DNAH3: variants seen among roughly 807,000 people sequenced by gnomAD.
DNAH3 encodes the protein dynein axonemal heavy chain 3.
DNAH3 carries 332 observed loss-of-function variants against 432.5 expected under a neutral mutation model. The ratio of observed to expected loss-of-function variants is 0.77; its 90% CI spans 0.70 to 0.84. The LOEUF is 0.84. DNAH3 is among the 40% of genes least tolerant of loss of function. The pLI, the probability that DNAH3 is intolerant of heterozygous loss-of-function variation, is 0.00. For synonymous variants in DNAH3, 1,956 were observed against 1,900.2 expected (o/e 1.03, Z -0.76); for missense variants, 4,861 against 5,114.0 (o/e 0.95, Z 1.51).
intron 19 of DNAH3, among the ~76,000 whole-genome samples, chr16:21,084,581 C>CA (rs1346594522): frequency 1.3e-5 from 2 of 152,126 alleles, no homozygotes; most frequent in South Asian, 2.1e-4. Context: ...CTCGGCCTCT[C>CA]AAAGTCCTGG....
At chr16:21,154,377 C>G (rs1282786744) in intron 1 of DNAH3, among the ~76,000 whole-genome samples, 1 of 151,650 alleles carries the variant, frequency 6.6e-6, no homozygotes, top group Non-Finnish European at 1.5e-5. Flanking sequence ...TGCACTCCAG[C>G]CTGTGTGACA....
exon 43 of DNAH3, chr16:21,000,388 T>C (rs775607128): frequency 6.2e-6 from 10 of 1,613,900 alleles, no homozygotes; most frequent in East Asian, 2.2e-5. Context: ...GAGAAGGAAG[T>C]TGTTGGTGAT....
chr16:21,008,301 G>T (rs1014986194), intron 41 of DNAH3, among the ~76,000 whole-genome samples: 1 of 151,998 alleles, frequency 6.6e-6, no homozygotes, highest in Non-Finnish European at 1.5e-5. Flanking sequence ...ATTATCTGGG[G>T]CCAGTTTATC....
chr16:21,142,105 G>A (rs6497536), intron 3 of DNAH3, among the ~76,000 whole-genome samples: 68,136 of 151,348 alleles, frequency 0.45, 15,564 homozygotes, highest in East Asian at 0.68. Flanking sequence ...GGTGGCTCAT[G>A]CCTGTAATCC....
rs746685595 is a variant in DNAH3, at chr16:21,051,634, C to T, written c.4238+36G>A. The T allele has an allele frequency of 8.7e-6, 14 of 1,604,004 alleles. 1 individual carries two copies. The highest frequency in any genetic ancestry group is 2.2e-5 in the East Asian group (1 of 44,770). On this transcript the variant is annotated intron_variant, in intron 29 of 61. Coordinates refer to ENST00000261383, the Ensembl canonical transcript of DNAH3. ...AGAGTCTTCTTCCCCTGGAGTTCTCCGTTCACCCCTCAGATCTAGGAGCTC... is the reference window on the plus strand; with the variant it reads ...AGAGTCTTCTTCCCCTGGAGTTCTCTGTTCACCCCTCAGATCTAGGAGCTC...
At chr16:20,946,938 C>T (rs1247641903) in intron 57 of DNAH3, among the ~76,000 whole-genome samples, 1 of 150,890 alleles carries the variant, frequency 6.6e-6, no homozygotes, top group Non-Finnish European at 1.5e-5. Flanking sequence ...GATCTTCCCA[C>T]CTCCGCCTCC....
chr16:21,159,296 G>C (rs746604596), intron 1 of DNAH3: 1 of 1,583,564 alleles, frequency 6.3e-7, no homozygotes, highest in South Asian at 1.1e-5. Flanking sequence ...CAGTCTCTGT[G>C]CCTTCTGGGA....
chr16:21,081,543 AC>A (rs767992611), intron 20 of DNAH3, 92 bp downstream of exon 20: 93 of 1,036,030 alleles, frequency 9.0e-5, no homozygotes, highest in Middle Eastern at 4.4e-4. Flanking sequence ...GGAAAAAAAA[AC>A]AAACAGCCCG....
chr16:20,976,761 C>T (rs1411180522), intron 50 of DNAH3, among the ~76,000 whole-genome samples: 10 of 152,152 alleles, frequency 6.6e-5, no homozygotes, highest in Non-Finnish European at 1.0e-4. Context: ...GAGGAAGCCA[C>T]GTGAGATCTG....
At chr16:21,064,330 C>G (rs1229971449) in intron 24 of DNAH3, among the ~76,000 whole-genome samples, 1 of 152,216 alleles carries the variant, frequency 6.6e-6, no homozygotes, top group Non-Finnish European at 1.5e-5. Flanking sequence ...ATTAAGGATG[C>G]TGACTGATGG....
In DNAH3 at chr16:21,125,285, G is replaced by A. The variant is rs369700639; in HGVS notation, c.1294C>T (p.Arg432Ter). The A allele has an allele frequency of 9.9e-6, 16 of 1,613,464 alleles. No homozygotes were observed. Among genetic ancestry groups the A allele is most frequent in the Admixed American group, 3.3e-5 (2 of 59,914 alleles). ...GAAGCAAAATATTCCTCAATGTTTCGACTTGAGTCATAGTTGCTCTTGGGA... is the reference window on the plus strand; with the variant it reads ...GAAGCAAAATATTCCTCAATGTTTCAACTTGAGTCATAGTTGCTCTTGGGA... The change falls in exon 9 of 62, where the codon CGA (arginine) becomes TGA (stop). Residue 432 changes from arginine to a stop codon, truncating the protein, a stop_gained. Transcript: ENST00000261383. LOFTEE classifies it high-confidence loss of function.
chr16:21,039,757 C>T (rs932878555), intron 33 of DNAH3, 95 bp downstream of exon 33: 1 of 947,066 alleles, frequency 1.1e-6, no homozygotes, highest in Non-Finnish European at 1.7e-6. Context: ...AAGCTTCTCT[C>T]TCTTCTTCCA....
chr16:21,123,835 G>T (rs180752797), intron 9 of DNAH3, among the ~76,000 whole-genome samples: 1 of 151,938 alleles, frequency 6.6e-6, no homozygotes, highest in Admixed American at 6.6e-5. Context: ...TGTCACCCAG[G>T]CTGGAGCCAG....
intron 26 of DNAH3, among the ~76,000 whole-genome samples, chr16:21,059,234 C>G (rs927769506): frequency 1.5e-4 from 23 of 152,236 alleles, no homozygotes; most frequent in African/African-American, 5.5e-4. Context: ...CTATCTGGCT[C>G]TTTACAGAAA....
chr16:21,100,060 T>C (rs974946418), intron 16 of DNAH3, among the ~76,000 whole-genome samples: 5 of 152,170 alleles, frequency 3.3e-5, no homozygotes, highest in Admixed American at 3.3e-4. Flanking sequence ...TAAACATGAT[T>C]TAGAGAATTA....
At chr16:20,972,004 C>T (rs1437628485) in intron 51 of DNAH3, among the ~76,000 whole-genome samples, 1 of 152,206 alleles carries the variant, frequency 6.6e-6, no homozygotes, top group Admixed American at 6.5e-5. Context: ...GATTCTAGCA[C>T]AGAAACATTA....
chr16:20,977,175 G>A (rs1230315675), intron 50 of DNAH3, among the ~76,000 whole-genome samples: 2 of 152,046 alleles, frequency 1.3e-5, no homozygotes, highest in South Asian at 2.1e-4. Flanking sequence ...TCAGGAGGTC[G>A]TGACCAGCCT....
At chr16:21,154,231 C>G (rs1379201962) in intron 1 of DNAH3, among the ~76,000 whole-genome samples, 1 of 152,196 alleles carries the variant, frequency 6.6e-6, no homozygotes, top group Non-Finnish European at 1.5e-5. Flanking sequence ...TGGTGAAACC[C>G]CGTCTCTACT....
At position 20,954,994 on chromosome 16, in the gene DNAH3, T is replaced by C. The variant is rs921326971; in HGVS notation, c.10890A>G (p.Lys3630=). The C allele has an allele frequency of 6.2e-6, 10 of 1,614,022 alleles. No individual in the cohort carries two copies. The African/African-American group carries it at 1.1e-4, about 17-fold the overall frequency. ...GCCCTTTGGGGGGCTCATTGGTCAT[T>C]TTGATTCCATTCTGGAGAATGCTGA... Residue 3630 remains lysine, a synonymous_variant, in exon 55 of 62, where the codon AAA becomes AAG. Transcript: ENST00000261383.
Sources: allele counts gnomAD v4.1 joint callset (sites outside exome capture counted in the v4.1 genomes callset), GRCh38; gene constraint gnomAD v4.1.1; transcripts MANE v1.5; gene names NCBI Gene and HGNC (gene_info 2026-07-23, HGNC 2026-07-21).